Variants in RBFOX3 observed in about 807,000 individuals in gnomAD.
RBFOX3 encodes RNA binding fox-1 homolog 3.
In RBFOX3, 17 loss-of-function variants were observed where a neutral mutation model predicts 48.7. The ratio of observed to expected loss-of-function variants is 0.35; its 90% CI spans 0.24 to 0.52. RBFOX3 has a LOEUF of 0.52. RBFOX3 is among the 20% of genes least tolerant of loss of function. The probability of loss-of-function intolerance (pLI) is 0.94; values close to 1 mark genes in which losing one functional copy is unlikely to be tolerated. For missense variants in RBFOX3, 382 were observed against 497.5 expected (o/e 0.77, Z 2.21); for synonymous variants, 212 against 209.5 (o/e 1.01, Z -0.10).
intron 4 of RBFOX3, among the ~76,000 whole-genome samples, chr17:79,138,246 G>A (rs116445407): frequency 0.014 from 2,066 of 152,234 alleles, 45 homozygotes; most frequent in African/African-American, 0.047. Flanking sequence ...CACTCAGACC[G>A]TGCATGCCTC....
chr17:79,092,959 G>T (rs1048843888), intron 14 of RBFOX3, among the ~76,000 whole-genome samples: 1 of 151,886 alleles, frequency 6.6e-6, no homozygotes, highest in East Asian at 1.9e-4. Flanking sequence ...TTATGCAGAG[G>T]GGGGGTCCCA....
intron 1 of RBFOX3, among the ~76,000 whole-genome samples, chr17:79,495,616 T>A (rs1305565706): frequency 2.6e-4 from 1 of 3,830 alleles, no homozygotes. Flanking sequence ...GGTGGGGAGG[T>A]GGGGGAAAGG....
At chr17:79,177,210 C>CCG (rs978517407) in intron 4 of RBFOX3, among the ~76,000 whole-genome samples, 6 of 106,184 alleles carry the variant, frequency 5.7e-5, no homozygotes, top group African/African-American at 5.4e-4. Flanking sequence ...CTCCTCCTCT[C>CCG]CCCCCCCGCC....
chr17:79,656,807 A>G, the RBFOX3 span, among the ~76,000 whole-genome samples: 2 of 24,430 alleles, frequency 8.2e-5, no homozygotes, highest in Non-Finnish European at 1.7e-4. Context: ...AGAAAGAAAG[A>G]AAAGAAAGAG....
intron 4 of RBFOX3, among the ~76,000 whole-genome samples, chr17:79,171,162 G>A (rs929795636): frequency 5.9e-5 from 9 of 152,244 alleles, no homozygotes; most frequent in Admixed American, 2.6e-4. Context: ...CATGAAAAGA[G>A]AATGCCAAAT....
chr17:79,517,375 G>A (rs1241408743), intron 1 of RBFOX3, among the ~76,000 whole-genome samples: 4 of 151,176 alleles, frequency 2.6e-5, no homozygotes, highest in Non-Finnish European at 5.9e-5. Flanking sequence ...AACCCAGGGG[G>A]CGGAGGTTGC....
intron 3 of RBFOX3, among the ~76,000 whole-genome samples, chr17:79,284,615 C>T (rs946060862): frequency 7.4e-5 from 11 of 147,660 alleles, no homozygotes; most frequent in African/African-American, 2.8e-4. Context: ...TCTCGACTTA[C>T]TGCAACCTCT....
chr17:79,445,974 T>C lies in RBFOX3; in HGVS notation c.-175+36480A>G, dbSNP rs564870046. Among the ~76,000 whole-genome samples, 5 of 152,066 alleles carry C rather than the reference T, an allele frequency of 3.3e-5. No individual in the cohort carries two copies. The South Asian group carries it at 1.0e-3, about 32-fold the overall frequency. ...CAGTTGTCACAGCTGTGGCTGGGGG[T>C]GATGCTGGCACATGGCGAGCGGAAC... On this transcript the variant is annotated intron_variant, in intron 2 of 14. Coordinates refer to ENST00000693108, the MANE Select transcript of RBFOX3 (RefSeq NM_001350451.2).
intron 2 of RBFOX3, among the ~76,000 whole-genome samples, chr17:79,376,078 T>C (rs2080072399): frequency 6.6e-6 from 1 of 151,698 alleles, no homozygotes; most frequent in African/African-American, 2.4e-5. Context: ...AGATGTGGAG[T>C]CTGAATGCCC....
At chr17:79,593,740 C>T (rs897248333) in intron 1 of RBFOX3, among the ~76,000 whole-genome samples, 2 of 152,204 alleles carry the variant, frequency 1.3e-5, no homozygotes, top group African/African-American at 2.4e-5. Context: ...CGGGGAGCGA[C>T]GGAACCCGAT....
upstream of RBFOX3, among the ~76,000 whole-genome samples, chr17:79,611,057 C>T (rs2093958660): frequency 6.7e-6 from 1 of 149,446 alleles, no homozygotes; most frequent in Admixed American, 6.6e-5. Context: ...CTGCTGGCTT[C>T]GGAGCAGCCC....
chr17:79,110,380 C>T (rs770786956), intron 5 of RBFOX3, among the ~76,000 whole-genome samples: 7 of 152,076 alleles, frequency 4.6e-5, no homozygotes, highest in Non-Finnish European at 8.8e-5. Context: ...CGCCTGGGGC[C>T]CCCAAGCTTG....
chr17:79,407,189 G>A (rs1336200860), intron 2 of RBFOX3, among the ~76,000 whole-genome samples: 1 of 152,218 alleles, frequency 6.6e-6, no homozygotes, highest in Non-Finnish European at 1.5e-5. Context: ...TGTATTTTTA[G>A]TAGAGACGGG....
chr17:79,452,827 G>A (rs554230131), intron 2 of RBFOX3, among the ~76,000 whole-genome samples: 273 of 152,320 alleles, frequency 1.8e-3, no homozygotes, highest in African/African-American at 6.2e-3. Flanking sequence ...TGCACAACCC[G>A]GGGGCATTGC....
intron 4 of RBFOX3, among the ~76,000 whole-genome samples, chr17:79,223,617 C>CCCACCTCAGCCTCCCAAA: frequency 6.6e-6 from 1 of 152,220 alleles, no homozygotes; most frequent in South Asian, 2.1e-4. Context: ...AGGCCAGTGG[C>CCCACCTCAGCCTCCCAAA]GTGAGACATG....
chr17:79,396,673 T>G (rs947286334), intron 2 of RBFOX3, among the ~76,000 whole-genome samples: 1 of 152,228 alleles, frequency 6.6e-6, no homozygotes, highest in Non-Finnish European at 1.5e-5. Context: ...GGGCTGTCAT[T>G]GTCCAGCTGG....
At chr17:79,226,511 G>C (rs1411055125) in intron 4 of RBFOX3, among the ~76,000 whole-genome samples, 2 of 152,210 alleles carry the variant, frequency 1.3e-5, no homozygotes, top group African/African-American at 4.8e-5. Flanking sequence ...TCCCACCGTG[G>C]TCAAGAGAAC....
At chr17:79,456,836 T>G (rs1555745248) in intron 2 of RBFOX3, among the ~76,000 whole-genome samples, 2 of 152,080 alleles carry the variant, frequency 1.3e-5, no homozygotes, top group Non-Finnish European at 1.5e-5. Flanking sequence ...TCCCACTGCC[T>G]GGACCAGCCC....
At chr17:79,230,960 T>C (rs2060966811) in intron 4 of RBFOX3, among the ~76,000 whole-genome samples, 1 of 151,400 alleles carries the variant, frequency 6.6e-6, no homozygotes, top group Non-Finnish European at 1.5e-5. Context: ...AACAACAAGC[T>C]GAAGACTAGT....
Sources: gnomAD v4.1 joint callset for allele counts (sites outside exome capture counted in the v4.1 genomes callset) on GRCh38, gnomAD v4.1.1 for gene constraint, MANE v1.5 for transcripts, NCBI Gene and HGNC (gene_info 2026-07-23, HGNC 2026-07-21) for gene names.